DENND1A: variants seen among roughly 807,000 people sequenced by gnomAD.
DENND1A encodes the protein DENN domain-containing protein 1A.
In DENND1A, 51 loss-of-function variants were observed where a neutral mutation model predicts 113.7. The ratio of observed to expected loss-of-function variants is 0.45; its 90% CI spans 0.36 to 0.57. DENND1A has a LOEUF of 0.57. Ranked by LOEUF, DENND1A falls within the 20% of genes least tolerant of loss-of-function variation. The pLI is 0.00. For synonymous variants in DENND1A, 565 were observed against 570.8 expected, an observed-to-expected ratio of 0.99 and a Z score of 0.14; for missense variants, 1,258 against 1,395.9, an observed-to-expected ratio of 0.90 and a Z score of 1.57.
chr9:123,800,458 A>G (rs1834453328), intron 2 of DENND1A, among the ~76,000 whole-genome samples: 1 of 152,234 alleles, frequency 6.6e-6, no homozygotes, highest in East Asian at 1.9e-4. Context: ...GAGGCTCACA[A>G]TGAACAAATT....
chr9:123,475,656 C>T (rs2133522686), intron 13 of DENND1A, among the ~76,000 whole-genome samples: 1 of 152,370 alleles, frequency 6.6e-6, no homozygotes, highest in Middle Eastern at 3.4e-3. Context: ...GTGGGGGTTC[C>T]CGCTGCTGCA....
intron 13 of DENND1A, among the ~76,000 whole-genome samples, chr9:123,476,582 C>A (rs774220994): frequency 1.3e-5 from 2 of 152,222 alleles, no homozygotes; most frequent in Non-Finnish European, 2.9e-5. Flanking sequence ...TTTCAATGCC[C>A]GTTCCTGGGC....
intron 13 of DENND1A, among the ~76,000 whole-genome samples, chr9:123,535,010 A>G (rs1294113361): frequency 1.3e-5 from 2 of 152,146 alleles, no homozygotes; most frequent in Non-Finnish European, 2.9e-5. Flanking sequence ...AGAACCCAGA[A>G]GACATCCTTA....
At chr9:123,510,259 A>G (rs761279454) in intron 13 of DENND1A, among the ~76,000 whole-genome samples, 1 of 152,200 alleles carries the variant, frequency 6.6e-6, no homozygotes, top group Non-Finnish European at 1.5e-5. Context: ...CCAGAGCTGG[A>G]CCCAGAGTGG....
chr9:123,770,879 T>A (rs1388767874), intron 3 of DENND1A, among the ~76,000 whole-genome samples: 1 of 152,184 alleles, frequency 6.6e-6, no homozygotes, highest in Non-Finnish European at 1.5e-5. Flanking sequence ...GTTCTATCAT[T>A]CAAGAAATAA....
chr9:123,386,859 G>C (rs758941472), intron 22 of DENND1A, among the ~76,000 whole-genome samples: 1 of 152,214 alleles, frequency 6.6e-6, no homozygotes. Context: ...CCCAGGGGGA[G>C]GGACCTGATG....
intron 1 of DENND1A, among the ~76,000 whole-genome samples, chr9:123,888,093 T>C (rs1588096868): frequency 6.6e-6 from 1 of 152,262 alleles, no homozygotes; most frequent in East Asian, 1.9e-4. Context: ...AATACAATTC[T>C]CCTCTAAAAG....
intron 11 of DENND1A, among the ~76,000 whole-genome samples, chr9:123,601,779 C>T (rs2137409248): frequency 6.6e-6 from 1 of 152,264 alleles, no homozygotes; most frequent in South Asian, 2.1e-4. Context: ...TGGATAATAT[C>T]AATTTAATTT....
chr9:123,492,442 T>C (rs930439359), intron 13 of DENND1A, among the ~76,000 whole-genome samples: 20 of 152,232 alleles, frequency 1.3e-4, no homozygotes, highest in Middle Eastern at 6.8e-3. Flanking sequence ...CTCAGGAACA[T>C]AGCTGCACCA....
intron 2 of DENND1A, among the ~76,000 whole-genome samples, chr9:123,796,945 C>A (rs1292753694): frequency 6.6e-6 from 1 of 152,136 alleles, no homozygotes; most frequent in African/African-American, 2.4e-5. Flanking sequence ...ACGCCATCAT[C>A]TCCTATAATA....
chr9:123,478,379 G>A (rs906182784), intron 13 of DENND1A, among the ~76,000 whole-genome samples: 18 of 152,216 alleles, frequency 1.2e-4, no homozygotes, highest in Non-Finnish European at 2.1e-4. Context: ...TTCCCTGCCC[G>A]AGGCTAGCCT....
At chr9:123,852,655 G>A (rs1045926652) in intron 2 of DENND1A, among the ~76,000 whole-genome samples, 6 of 152,076 alleles carry the variant, frequency 3.9e-5, no homozygotes, top group Admixed American at 1.3e-4. Context: ...CTTATGCGAC[G>A]GGCCTCAGTT....
At chr9:123,518,642 A>C (rs147300913) in intron 13 of DENND1A, among the ~76,000 whole-genome samples, 1 of 152,292 alleles carries the variant, frequency 6.6e-6, no homozygotes, top group African/African-American at 2.4e-5. Flanking sequence ...ACTGGACAAG[A>C]GAGCCCATGG....
chr9:123,785,101 AGGCTGAGGGAAGAG>A (rs1268632935), intron 3 of DENND1A, among the ~76,000 whole-genome samples: 4 of 152,070 alleles, frequency 2.6e-5, no homozygotes, highest in Non-Finnish European at 4.4e-5. Context: ...GCACTTTGGG[AGGCTGAGGGAAGAG>A]GATTGCTTGA....
intron 14 of DENND1A, 45 bp from the exon 15 acceptor site, chr9:123,457,480 AG>A: frequency 6.6e-7 from 1 of 1,511,930 alleles, no homozygotes; most frequent in Non-Finnish European, 9.2e-7. Context: ...TACAAAGAAA[AG>A]GGGGAAAAAC....
At chr9:123,546,190 G>A (rs2056665717) in intron 13 of DENND1A, among the ~76,000 whole-genome samples, 1 of 152,144 alleles carries the variant, frequency 6.6e-6, no homozygotes, top group Non-Finnish European at 1.5e-5. Context: ...ACACATTCGT[G>A]ATGTGGTGTT....
chr9:123,791,281 G>A (rs1196632398), intron 3 of DENND1A, among the ~76,000 whole-genome samples: 1 of 151,968 alleles, frequency 6.6e-6, no homozygotes, highest in Non-Finnish European at 1.5e-5. Flanking sequence ...TTTATATATT[G>A]TCTAAAGAAA....
In DENND1A at chr9:123,386,881, G is replaced by A. The variant is rs935558015; in HGVS notation, c.1760+849C>T. 3.3e-5 allele frequency among the ~76,000 whole-genome samples: 5 copies of A among 152,214 alleles called. No individual in the cohort carries two copies. The East Asian group carries it at 5.8e-4, about 18-fold the overall frequency. On this transcript the variant is annotated intron_variant, in intron 22 of 23. Coordinates refer to ENST00000394215, the MANE Select transcript of DENND1A (RefSeq NM_001352964.2). ...GGAGGGACCTGATGCTGGGGTTTGG[G>A]AACAGGGAGAGGGTGCAGGGGACAT...
intron 13 of DENND1A, among the ~76,000 whole-genome samples, chr9:123,514,707 G>A (rs1265691806): frequency 6.6e-6 from 1 of 152,166 alleles, no homozygotes; most frequent in Admixed American, 6.5e-5. Flanking sequence ...GTGAACCCAC[G>A]GCCTTCAGTA....
Sources: allele counts gnomAD v4.1 joint callset (sites outside exome capture counted in the v4.1 genomes callset), GRCh38; gene constraint gnomAD v4.1.1; transcripts MANE v1.5; gene names NCBI Gene and HGNC (gene_info 2026-07-23, HGNC 2026-07-21).